Variants in KCNQ5 observed in about 807,000 individuals in gnomAD.
KCNQ5 encodes the protein potassium voltage-gated channel subfamily Q member 5.
Under a neutral mutation model 98.2 loss-of-function variants are expected in KCNQ5, and 30 were observed. That is an observed-to-expected ratio of 0.31 (90% CI 0.23 to 0.41). The LOEUF is 0.41. KCNQ5 is among the 10% of genes least tolerant of loss of function. The pLI, the probability that KCNQ5 is intolerant of heterozygous loss-of-function variation, is 1.00. For synonymous variants in KCNQ5, 458 were observed against 449.4 expected (o/e 1.02, Z -0.24); for missense variants, 835 against 1,182.5 (o/e 0.71, Z 4.31).
intron 3 of KCNQ5, among the ~76,000 whole-genome samples, chr6:73,065,682 A>G (rs1274484925): frequency 6.6e-6 from 1 of 152,230 alleles, no homozygotes; most frequent in Non-Finnish European, 1.5e-5. Context: ...ACTCCGCTCA[A>G]GCTAACTTGA....
chr6:72,743,569 G>C (rs1396999374), intron 1 of KCNQ5, among the ~76,000 whole-genome samples: 1 of 152,126 alleles, frequency 6.6e-6, no homozygotes, highest in Non-Finnish European at 1.5e-5. Flanking sequence ...ACCATACCAA[G>C]ATTATGCTGC....
chr6:72,799,573 C>T (rs1489138327), intron 1 of KCNQ5, among the ~76,000 whole-genome samples: 1 of 152,140 alleles, frequency 6.6e-6, no homozygotes, highest in Non-Finnish European at 1.5e-5. Flanking sequence ...GGTTGTATAC[C>T]ATTTCAACTC....
At chr6:72,830,055 T>C (rs1325143462) in intron 1 of KCNQ5, among the ~76,000 whole-genome samples, 1 of 152,108 alleles carries the variant, frequency 6.6e-6, no homozygotes, top group African/African-American at 2.4e-5. Flanking sequence ...CAAGGAGAAC[T>C]ACAAACCACT....
chr6:73,070,538 C>A (rs1773255689), intron 3 of KCNQ5, among the ~76,000 whole-genome samples: 1 of 152,166 alleles, frequency 6.6e-6, no homozygotes, highest in Admixed American at 6.5e-5. Context: ...TGAAGGTGTT[C>A]TTTGTTTGGG....
chr6:73,091,916 T>C (rs1465411468), intron 5 of KCNQ5, among the ~76,000 whole-genome samples: 3 of 152,178 alleles, frequency 2.0e-5, no homozygotes, highest in African/African-American at 7.2e-5. Flanking sequence ...TAGATTGCTT[T>C]TGGAAGTATG....
intron 1 of KCNQ5, among the ~76,000 whole-genome samples, chr6:72,909,298 G>C (rs964829622): frequency 6.6e-6 from 1 of 152,192 alleles, no homozygotes; most frequent in African/African-American, 2.4e-5. Flanking sequence ...GTGTGATACT[G>C]AGTGAAGTTT....
chr6:73,166,214 C>T (rs1424206531), intron 10 of KCNQ5, among the ~76,000 whole-genome samples: 1 of 151,644 alleles, frequency 6.6e-6, no homozygotes, highest in African/African-American at 2.4e-5. Context: ...AGGTAGATCA[C>T]GAGGTCAGGA....
At chr6:72,837,571 G>T (rs1776560001) in intron 1 of KCNQ5, among the ~76,000 whole-genome samples, 1 of 152,128 alleles carries the variant, frequency 6.6e-6, no homozygotes, top group African/African-American at 2.4e-5. Context: ...TTGAAATGGT[G>T]AGTATGTATT....
intron 1 of KCNQ5, among the ~76,000 whole-genome samples, chr6:72,918,431 A>G (rs1780259515): frequency 1.3e-5 from 2 of 152,022 alleles, no homozygotes; most frequent in Non-Finnish European, 2.9e-5. Flanking sequence ...TGTGCTCAAA[A>G]GTCTCTGAAC....
At chr6:72,724,716 T>C (rs1770169898) in intron 1 of KCNQ5, among the ~76,000 whole-genome samples, 1 of 152,192 alleles carries the variant, frequency 6.6e-6, no homozygotes, top group Admixed American at 6.5e-5. Context: ...GTGCCATGGC[T>C]GAGAAGTAAA....
At chr6:73,106,986 T>C (rs1244175900) in intron 6 of KCNQ5, among the ~76,000 whole-genome samples, 1 of 151,226 alleles carries the variant, frequency 6.6e-6, no homozygotes, top group Non-Finnish European at 1.5e-5. Context: ...AAAAAAAATC[T>C]TACGTATCCA....
intron 5 of KCNQ5, among the ~76,000 whole-genome samples, chr6:73,100,202 A>G (rs1774707748): frequency 1.3e-5 from 2 of 152,364 alleles, no homozygotes; most frequent in South Asian, 2.1e-4. Flanking sequence ...AAGGAGTACT[A>G]AAAGGGAAGT....
intron 1 of KCNQ5, among the ~76,000 whole-genome samples, chr6:72,645,671 G>A (rs184877241): frequency 5.9e-4 from 89 of 152,114 alleles, no homozygotes; most frequent in African/African-American, 2.1e-3. Context: ...CTGGCTTTGC[G>A]CTGGGCCCAC....
At chr6:72,806,176 C>G (rs1031379968) in intron 1 of KCNQ5, among the ~76,000 whole-genome samples, 1 of 152,044 alleles carries the variant, frequency 6.6e-6, no homozygotes, top group East Asian at 1.9e-4. Context: ...AATGTTTTCT[C>G]TTTTACCTGG....
chr6:73,100,915 C>A (rs1410242689), intron 5 of KCNQ5, among the ~76,000 whole-genome samples: 1 of 152,002 alleles, frequency 6.6e-6, no homozygotes, highest in Non-Finnish European at 1.5e-5. Flanking sequence ...TATATACATA[C>A]AACCTACCAA....
chr6:72,675,218 T>G (rs1189019423), intron 1 of KCNQ5, among the ~76,000 whole-genome samples: 1 of 152,194 alleles, frequency 6.6e-6, no homozygotes, highest in Non-Finnish European at 1.5e-5. Context: ...TTTTCAAAAC[T>G]GAGTATCCAA....
intron 1 of KCNQ5, among the ~76,000 whole-genome samples, chr6:72,910,563 G>GT (rs1562062145): frequency 0.06 from 2,591 of 43,004 alleles, 40 homozygotes; most frequent in Admixed American, 0.11. Flanking sequence ...AAGGTAGGGG[G>GT]GTGTGTGTGT....
intron 2 of KCNQ5, among the ~76,000 whole-genome samples, chr6:73,006,814 C>T (rs911013247): frequency 1.3e-5 from 2 of 152,104 alleles, no homozygotes; most frequent in African/African-American, 4.8e-5. Context: ...TTCATAACTT[C>T]CATCCCTTTT....
intron 1 of KCNQ5, among the ~76,000 whole-genome samples, chr6:72,820,604 A>G (rs2840799): frequency 0.16 from 24,821 of 151,968 alleles, 3,752 homozygotes; most frequent in African/African-American, 0.4. Context: ...TGAGGAGAAT[A>G]AAATATGTAA....
Sources: gnomAD v4.1 joint callset for allele counts (sites outside exome capture counted in the v4.1 genomes callset) on GRCh38, gnomAD v4.1.1 for gene constraint, MANE v1.5 for transcripts, NCBI Gene and HGNC (gene_info 2026-07-23, HGNC 2026-07-21) for gene names.